The following ARID5B variants were observed in gnomAD, a reference collection of about 807,000 sequenced individuals.
ARID5B encodes AT-rich interaction domain 5B.
A neutral mutation model predicts 97.2 loss-of-function variants in ARID5B; 13 were observed. The ratio of observed to expected loss-of-function variants is 0.13; its 90% CI spans 0.09 to 0.21. The LOEUF (loss-of-function observed/expected upper bound fraction) is 0.21. Among genes scored for constraint, ARID5B ranks in the 10% least tolerant of loss-of-function variants. The pLI is 1.00. For synonymous variants in ARID5B, 556 were observed against 570.3 expected, an observed-to-expected ratio of 0.97 and a Z score of 0.36; for missense variants, 1,210 against 1,465.3, an observed-to-expected ratio of 0.83 and a Z score of 2.84.
intron 3 of ARID5B, among the ~76,000 whole-genome samples, chr10:61,990,495 T>C (rs1838908981): frequency 6.6e-6 from 1 of 152,204 alleles, no homozygotes; most frequent in Admixed American, 6.5e-5. Context: ...ACTAATGAAA[T>C]GACTGCTCTT....
intron 2 of ARID5B, among the ~76,000 whole-genome samples, chr10:61,928,969 C>T (rs17215180): frequency 0.42 from 63,420 of 151,884 alleles, 13,860 homozygotes; most frequent in Non-Finnish European, 0.49. Flanking sequence ...GTGGCCAAAC[C>T]ACCCAGGCTT....
chr10:61,902,452 T>C, intron 2 of ARID5B, 39 bp downstream of exon 2: 1 of 1,604,884 alleles, frequency 6.2e-7, no homozygotes, highest in Non-Finnish European at 8.5e-7. Flanking sequence ...TTCTTTATTA[T>C]TTTTCCCCCT....
intron 4 of ARID5B, among the ~76,000 whole-genome samples, chr10:62,024,021 T>G (rs1390094707): frequency 2.6e-5 from 4 of 152,226 alleles, no homozygotes; most frequent in Non-Finnish European, 5.9e-5. Flanking sequence ...TTTCAAGCCT[T>G]GATTTCCCTA....
At chr10:62,049,628 C>T in intron 4 of ARID5B, 1 of 1,138,340 alleles carries the variant, frequency 8.8e-7, no homozygotes, top group Non-Finnish European at 1.3e-6. Context: ...GGATCCTAAG[C>T]CCTAAAGCCT....
chr10:62,090,204 A>G (rs1194989566), intron 9 of ARID5B, among the ~76,000 whole-genome samples: 1 of 152,218 alleles, frequency 6.6e-6, no homozygotes, highest in East Asian at 1.9e-4. Context: ...GCTGCAACCT[A>G]GAAGGACTTA....
Position 62,092,327 on chromosome 10 carries a change from G to A in ARID5B, c.2864G>A (p.Cys955Tyr). ...AGTCGAGACTGTCACCCCAAAGCCT[G>A]TCGGGTATCACCCATGACCATGTCA... The part of the protein sequence containing the change: ...SQSRDCHPKA[C>Y]RVSPMTMSGP... Residue 955 changes from cysteine (C) to tyrosine (Y), a missense_variant, in exon 10 of 10, where the codon TGT becomes TAT. Physicochemically the swap from Cys to Tyr is radical, Grantham distance 194. This residue lies in a region of ARID5B where 800 missense variants were observed against 839.1 expected (regional missense o/e 0.95). Coordinates refer to ENST00000279873, the MANE Select transcript of ARID5B (RefSeq NM_032199.3). 1 of 1,613,202 alleles carries A rather than the reference G, an allele frequency of 6.2e-7. No homozygotes were observed. Among genetic ancestry groups the A allele is most frequent in the Non-Finnish European group, 8.5e-7 (1 of 1,179,596 alleles).
At chr10:62,079,082 G>A (rs1207500522) in intron 8 of ARID5B, among the ~76,000 whole-genome samples, 2 of 152,202 alleles carry the variant, frequency 1.3e-5, no homozygotes. Flanking sequence ...TCTGAGAAAA[G>A]GAGAATGCTC....
At chr10:61,933,064 C>G (rs182205416) in intron 2 of ARID5B, among the ~76,000 whole-genome samples, 1 of 152,290 alleles carries the variant, frequency 6.6e-6, no homozygotes, top group East Asian at 1.9e-4. Context: ...GAGCCAGACC[C>G]AACTCAAAAG....
intron 4 of ARID5B, among the ~76,000 whole-genome samples, chr10:62,029,257 C>T (rs750408089): frequency 4.6e-5 from 7 of 152,152 alleles, no homozygotes; most frequent in African/African-American, 7.2e-5. Context: ...GCTCCAGTTC[C>T]GGGTATGCCA....
chr10:62,032,442 G>T (rs1839508681), intron 4 of ARID5B, among the ~76,000 whole-genome samples: 1 of 152,204 alleles, frequency 6.6e-6, no homozygotes, highest in Non-Finnish European at 1.5e-5. Flanking sequence ...ATTTAGGCCG[G>T]GTGTGGTGAG....
chr10:61,921,041 G>A (rs992446851), intron 2 of ARID5B, among the ~76,000 whole-genome samples: 5 of 152,106 alleles, frequency 3.3e-5, no homozygotes, highest in South Asian at 2.1e-4. Context: ...TTGGTTTGTC[G>A]TCAACTCTGC....
chr10:62,000,155 G>C lies in ARID5B; in HGVS notation c.567G>C (p.Ser189=). 6.2e-7 allele frequency: 1 copy of C among 1,614,002 alleles called. No homozygotes were observed. The highest frequency in any genetic ancestry group is 8.5e-7 in the Non-Finnish European group (1 of 1,179,924). ...LSYPQYCRYR[S]MLKRIQDKPS... is the part of the protein sequence containing the mutation. The stretch of plus-strand genomic sequence containing the variant: ...ACCCCCAGTACTGCCGGTACCGCTC[G>C]ATGCTGAAACGCATCCAGGATAAGC... The change falls in exon 4 of 10, where the codon TCG becomes TCC. Residue 189 remains serine, a synonymous_variant. Transcript: ENST00000279873. This position sits in a 1 kb window ranked among gnomAD's most constrained non-coding sequence, Gnocchi z 4.4.
At chr10:62,051,238 G>C (rs1839785712) in intron 5 of ARID5B, 1 of 591,164 alleles carries the variant, frequency 1.7e-6, no homozygotes, top group African/African-American at 1.9e-5. Context: ...CTACCTCCCA[G>C]TTTGGCCTGT....
chr10:61,949,933 T>G (rs567161926), intron 3 of ARID5B, among the ~76,000 whole-genome samples: 8 of 152,314 alleles, frequency 5.3e-5, no homozygotes, highest in Non-Finnish European at 1.2e-4. Context: ...TTGCCAAACT[T>G]AGACCAGTAA....
At chr10:61,969,111 T>C (rs1838587919) in intron 3 of ARID5B, among the ~76,000 whole-genome samples, 1 of 152,168 alleles carries the variant, frequency 6.6e-6, no homozygotes, top group South Asian at 2.1e-4. Flanking sequence ...TCAAAGAGAC[T>C]GTCAGGATAT....
intron 2 of ARID5B, among the ~76,000 whole-genome samples, chr10:61,906,478 C>T (rs1397865145): frequency 6.6e-6 from 1 of 152,104 alleles, no homozygotes. Flanking sequence ...GGCAGTATAC[C>T]CTCTTAAAAT....
intron 4 of ARID5B, among the ~76,000 whole-genome samples, chr10:62,032,225 C>T (rs1433257127): frequency 2.0e-5 from 3 of 152,046 alleles, no homozygotes; most frequent in Admixed American, 6.5e-5. Flanking sequence ...AGGCTGAGGT[C>T]GGAGGATTGC....
chr10:61,917,163 TAA>T (rs3051550), intron 2 of ARID5B, among the ~76,000 whole-genome samples: 14,543 of 139,346 alleles, frequency 0.1, 730 homozygotes, highest in East Asian at 0.13. Flanking sequence ...CTGTTTCTAG[TAA>T]AAAAAAAAAA....
intron 7 of ARID5B, among the ~76,000 whole-genome samples, chr10:62,061,032 T>A (rs1158522542): frequency 1.3e-5 from 2 of 152,232 alleles, no homozygotes; most frequent in African/African-American, 2.4e-5. Flanking sequence ...GTTGGATGAA[T>A]GAATGACCAC....
Sources: gnomAD v4.1 joint callset for allele counts (sites outside exome capture counted in the v4.1 genomes callset) on GRCh38, gnomAD v4.1.1 for gene constraint, gnomAD v4.1.1 regional missense constraint, Gnocchi (gnomAD v3.1) non-coding constraint, MANE v1.5 for transcripts, NCBI Gene and HGNC (gene_info 2026-07-23, HGNC 2026-07-21) for gene names.